The following SAMSN1 variants were observed in gnomAD, a reference collection of about 807,000 sequenced individuals.
The protein encoded by SAMSN1 is SAM domain, SH3 domain and nuclear localization signals 1.
In SAMSN1, 31 loss-of-function variants were observed where a neutral mutation model predicts 42.0. That is an observed-to-expected ratio of 0.74 (90% CI 0.55 to 1.00). SAMSN1 has a LOEUF of 1.00. Among genes scored for constraint, SAMSN1 ranks in the 50% least tolerant of loss-of-function variants. The pLI is 0.00. For missense variants in SAMSN1, 464 were observed against 439.4 expected (o/e 1.06, Z -0.50); for synonymous variants, 178 against 151.9 (o/e 1.17, Z -1.26).
At chr21:14,597,897 A>C (rs1982317683) in intron 6 of SAMSN1, 1 of 151,712 alleles carries the variant, frequency 6.6e-6, no homozygotes, top group Non-Finnish European at 1.5e-5. Context: ...TCCTCATGAG[A>C]CTCTGCCTTA....
intron 1 of SAMSN1, among the ~76,000 whole-genome samples, chr21:14,647,594 G>A (rs1431991502): frequency 1.4e-5 from 2 of 138,832 alleles, no homozygotes; most frequent in Non-Finnish European, 3.2e-5. Flanking sequence ...CCATTTTCAC[G>A]ATATTGATTC....
At chr21:14,619,473 C>T (rs1463773474) in intron 2 of SAMSN1, among the ~76,000 whole-genome samples, 1 of 152,182 alleles carries the variant, frequency 6.6e-6, no homozygotes, top group Non-Finnish European at 1.5e-5. Flanking sequence ...TACGATCAAG[C>T]ATATAGTGCT....
At chr21:14,526,283 C>A (rs1275758309) in intron 1 of SAMSN1, among the ~76,000 whole-genome samples, 4 of 152,198 alleles carry the variant, frequency 2.6e-5, no homozygotes, top group Admixed American at 6.5e-5. Context: ...TTCCTAAATT[C>A]ATTTTAATAC....
At chr21:14,634,267 C>T (rs59489313) in intron 2 of SAMSN1, among the ~76,000 whole-genome samples, 3,903 of 151,828 alleles carry the variant, frequency 0.026, 153 homozygotes, top group African/African-American at 0.086. Flanking sequence ...AAAGATTTTA[C>T]GATGAAATCA....
At chr21:14,549,072 G>T (rs1980518033), upstream of SAMSN1, among the ~76,000 whole-genome samples, 1 of 152,194 alleles carries the variant, frequency 6.6e-6, no homozygotes, top group South Asian at 2.1e-4. Context: ...TGAAGAAATT[G>T]CAGTCAAATG....
chr21:14,542,868 A>G (rs973829345), intron 1 of SAMSN1, among the ~76,000 whole-genome samples: 1 of 152,040 alleles, frequency 6.6e-6, no homozygotes. Context: ...GCTTGAGTCC[A>G]CCCAGGAGGT....
At chr21:14,526,036 T>G (rs1004544527) in intron 1 of SAMSN1, among the ~76,000 whole-genome samples, 6 of 151,954 alleles carry the variant, frequency 3.9e-5, no homozygotes, top group Non-Finnish European at 7.4e-5. Context: ...CAGCTAATTT[T>G]TTTGTATTTT....
intron 2 of SAMSN1, among the ~76,000 whole-genome samples, chr21:14,578,352 T>C (rs1981575315): frequency 6.6e-6 from 1 of 152,006 alleles, no homozygotes; most frequent in Non-Finnish European, 1.5e-5. Context: ...GAGGCTACAG[T>C]GGGCTTAGCA....
upstream of SAMSN1, among the ~76,000 whole-genome samples, chr21:14,585,011 C>T (rs1168257051): frequency 1.8e-5 from 2 of 109,394 alleles, no homozygotes; most frequent in Admixed American, 1.1e-4. Flanking sequence ...GGAAATGTGA[C>T]GTTTTTGTCA....
At chr21:14,593,530 C>G (rs1352892385) in intron 7 of SAMSN1, among the ~76,000 whole-genome samples, 3 of 152,032 alleles carry the variant, frequency 2.0e-5, no homozygotes, top group Admixed American at 6.6e-5. Flanking sequence ...AGCTGGCACA[C>G]AGAGATACTT....
At chr21:14,534,831 C>A (rs1430277936) in intron 1 of SAMSN1, among the ~76,000 whole-genome samples, 2 of 152,088 alleles carry the variant, frequency 1.3e-5, no homozygotes, top group African/African-American at 4.8e-5. Flanking sequence ...TGTTCAAAGT[C>A]CCCTGGTTAA....
intron 1 of SAMSN1, among the ~76,000 whole-genome samples, chr21:14,650,452 T>C (rs986733373): frequency 2.0e-5 from 3 of 151,920 alleles, no homozygotes; most frequent in Non-Finnish European, 4.4e-5. Flanking sequence ...AATGAAGAGA[T>C]TAAGAAGGAA....
chr21:14,536,479 C>A (rs1196584727), intron 1 of SAMSN1, among the ~76,000 whole-genome samples: 2 of 152,204 alleles, frequency 1.3e-5, no homozygotes, highest in Admixed American at 6.5e-5. Flanking sequence ...ATTATCTGAA[C>A]ACTTTTCAAG....
At chr21:14,579,932 T>G (rs1229027607) in intron 2 of SAMSN1, among the ~76,000 whole-genome samples, 1 of 152,194 alleles carries the variant, frequency 6.6e-6, no homozygotes, top group Admixed American at 6.5e-5. Context: ...GCAGTGTAGA[T>G]ATCATTTAGC....
At chr21:14,528,432 G>A (rs972323388) in intron 1 of SAMSN1, among the ~76,000 whole-genome samples, 3 of 152,016 alleles carry the variant, frequency 2.0e-5, no homozygotes, top group Admixed American at 1.3e-4. Context: ...AGCCCATAAG[G>A]CACCCTCTGC....
chr21:14,541,441 G>A (rs561195652), intron 1 of SAMSN1, among the ~76,000 whole-genome samples: 1 of 152,078 alleles, frequency 6.6e-6, no homozygotes, highest in African/African-American at 2.4e-5. Context: ...TGGCCTTGAC[G>A]GCTTTGCATG....
upstream of SAMSN1, among the ~76,000 whole-genome samples, chr21:14,585,766 A>G (rs1285949820): frequency 6.6e-6 from 1 of 152,196 alleles, no homozygotes; most frequent in Non-Finnish European, 1.5e-5. Flanking sequence ...ATACAATCCT[A>G]ATTTTATACA....
chr21:14,650,968 T>C (rs1056386338), intron 1 of SAMSN1, among the ~76,000 whole-genome samples: 1 of 151,768 alleles, frequency 6.6e-6, no homozygotes, highest in Non-Finnish European at 1.5e-5. Context: ...CCTACCAAGA[T>C]TGAACCAAGA....
At chr21:14,636,811 C>A (rs1355988826) in intron 2 of SAMSN1, among the ~76,000 whole-genome samples, 1 of 151,984 alleles carries the variant, frequency 6.6e-6, no homozygotes, top group African/African-American at 2.4e-5. Flanking sequence ...TTGCAGTGAG[C>A]CAAGATCCTG....
Sources: gnomAD v4.1 joint callset for allele counts (sites outside exome capture counted in the v4.1 genomes callset) on GRCh38, gnomAD v4.1.1 for gene constraint, MANE v1.5 for transcripts, NCBI Gene and HGNC (gene_info 2026-07-23, HGNC 2026-07-21) for gene names.